CADPS2: variants seen among roughly 807,000 people sequenced by gnomAD.
CADPS2 encodes calcium dependent secretion activator 2, also known as calcium-dependent secretion activator 2.
Under a neutral mutation model 172.5 loss-of-function variants are expected in CADPS2, and 93 were observed. The ratio of observed to expected loss-of-function variants is 0.54; its 90% confidence interval spans 0.46 to 0.64. The LOEUF (loss-of-function observed/expected upper bound fraction) is 0.64, where lower values mean the gene tolerates loss of function less well. Among genes scored for constraint, CADPS2 ranks in the 30% least tolerant of loss-of-function variants. The pLI is 0.00. For missense variants in CADPS2, 1,420 were observed against 1,565.9 expected (o/e 0.91, Z 1.57); for synonymous variants, 546 against 555.2 (o/e 0.98, Z 0.23).
At chr7:122,778,870 A>T (rs2093961922) in intron 1 of CADPS2, among the ~76,000 whole-genome samples, 1 of 152,208 alleles carries the variant, frequency 6.6e-6, no homozygotes, top group Non-Finnish European at 1.5e-5. Flanking sequence ...GGGTGGAATG[A>T]TACAGTTTGG....
Position 122,581,187 on chromosome 7 carries a change from G to A in CADPS2, c.1327C>T (p.Leu443=), listed in dbSNP as rs749354437. 3.7e-6 allele frequency: 6 copies of A among 1,612,654 alleles called. No homozygotes were observed. The East Asian group carries it at 8.9e-5, about 24-fold the overall frequency. The change falls in exon 7 of 30, where the codon CTG becomes TTG. Residue 443 remains leucine (L), a synonymous_variant. Transcript: ENST00000449022. ...GGCTGACCACAACTCACCCTTCCCA[G>A]TTCTTTATCTTCCAGGGCCAGAACT... The part of the protein sequence containing the change: ...TGVLALEDKE[L]GRVILYPTSN...
intron 20 of CADPS2, among the ~76,000 whole-genome samples, chr7:122,404,985 G>A (rs2046461135): frequency 6.6e-6 from 1 of 151,996 alleles, no homozygotes; most frequent in Non-Finnish European, 1.5e-5. Context: ...AAATTAGCCA[G>A]GTGTGTGGTG....
At chr7:122,745,203 T>C (rs892048027) in intron 1 of CADPS2, among the ~76,000 whole-genome samples, 29 of 151,934 alleles carry the variant, frequency 1.9e-4, no homozygotes, top group Non-Finnish European at 8.8e-5. Context: ...AAATATATTA[T>C]TATTAATTAT....
chr7:122,407,107 A>G (rs2046745595), intron 20 of CADPS2, among the ~76,000 whole-genome samples: 1 of 152,242 alleles, frequency 6.6e-6, no homozygotes, highest in African/African-American at 2.4e-5. Context: ...CAAATGAACC[A>G]ACTCTCAGGC....
intron 1 of CADPS2, among the ~76,000 whole-genome samples, chr7:122,863,088 A>G (rs1177240313): frequency 6.6e-6 from 1 of 152,214 alleles, no homozygotes; most frequent in Non-Finnish European, 1.5e-5. Context: ...GAAGGCTGAT[A>G]CAAGCATCCT....
chr7:122,819,605 C>T (rs547527718), intron 1 of CADPS2, among the ~76,000 whole-genome samples: 10 of 146,844 alleles, frequency 6.8e-5, no homozygotes, highest in African/African-American at 2.5e-4. Context: ...TAAAACTCCC[C>T]AACTCTGGTG....
At chr7:122,677,160 A>G (rs1208588705) in intron 2 of CADPS2, among the ~76,000 whole-genome samples, 3 of 152,322 alleles carry the variant, frequency 2.0e-5, no homozygotes, top group African/African-American at 7.2e-5. Context: ...CAGTGGGGCA[A>G]ACAAATGGTT....
At chr7:122,692,196 T>C (rs376116430) in intron 2 of CADPS2, among the ~76,000 whole-genome samples, 69 of 152,246 alleles carry the variant, frequency 4.5e-4, no homozygotes, top group African/African-American at 1.6e-3. Flanking sequence ...TGTACATGAC[T>C]GCCGACATTA....
chr7:122,745,893 T>G (rs775866922), intron 1 of CADPS2, among the ~76,000 whole-genome samples: 2 of 152,056 alleles, frequency 1.3e-5, no homozygotes, highest in African/African-American at 2.4e-5. Context: ...TTTTATTAAT[T>G]AGTAAGTTTA....
intron 25 of CADPS2, among the ~76,000 whole-genome samples, chr7:122,376,967 A>G (rs575803136): frequency 1.1e-4 from 17 of 152,234 alleles, no homozygotes; most frequent in African/African-American, 3.8e-4. Flanking sequence ...AATTATTGTC[A>G]TCTCTTATAG....
intron 29 of CADPS2, among the ~76,000 whole-genome samples, chr7:122,323,670 T>G (rs946661043): frequency 5.9e-5 from 9 of 151,754 alleles, no homozygotes; most frequent in Middle Eastern, 3.2e-3. Flanking sequence ...GAGATTGTTA[T>G]TCTCAAAACA....
chr7:122,776,248 G>A (rs1322366870), intron 1 of CADPS2, among the ~76,000 whole-genome samples: 1 of 152,068 alleles, frequency 6.6e-6, no homozygotes, highest in East Asian at 1.9e-4. Flanking sequence ...AGATCTGATG[G>A]CTTTATAAAG....
chr7:122,679,324 T>C (rs903345138), intron 2 of CADPS2, among the ~76,000 whole-genome samples: 1 of 133,668 alleles, frequency 7.5e-6, no homozygotes, highest in African/African-American at 2.8e-5. Flanking sequence ...CACATGTAGA[T>C]AGGAATGAAA....
chr7:122,643,267 G>A (rs1015409197), intron 3 of CADPS2, among the ~76,000 whole-genome samples: 1 of 152,106 alleles, frequency 6.6e-6, no homozygotes, highest in African/African-American at 2.4e-5. Context: ...GCAAATTAAT[G>A]TACCTTATCA....
At chr7:122,673,750 G>C (rs556452995) in intron 2 of CADPS2, among the ~76,000 whole-genome samples, 3 of 152,222 alleles carry the variant, frequency 2.0e-5, no homozygotes, top group African/African-American at 7.2e-5. Flanking sequence ...AACTGGCTTC[G>C]CCTAGTGGAT....
intron 2 of CADPS2, among the ~76,000 whole-genome samples, chr7:122,729,329 G>A (rs1240376991): frequency 2.0e-5 from 3 of 151,774 alleles, no homozygotes; most frequent in Non-Finnish European, 4.4e-5. Flanking sequence ...CAATAAACAT[G>A]AGGATGCAGG....
At chr7:122,418,815 T>C (rs1331732989) in intron 17 of CADPS2, among the ~76,000 whole-genome samples, 2 of 152,182 alleles carry the variant, frequency 1.3e-5, no homozygotes, top group African/African-American at 2.4e-5. Context: ...GACCATCCCA[T>C]ATATTTTAGC....
Position 122,320,099 on chromosome 7 carries a change from C to T in CADPS2, c.*66G>A. 7.4e-7 allele frequency: 1 copy of T among 1,352,778 alleles called. No homozygotes were observed. The highest frequency in any genetic ancestry group is 9.7e-7 in the Non-Finnish European group (1 of 1,033,058). 83.8% of individuals were successfully genotyped at this position (1,352,778 alleles called of 1,614,324 possible). A position where few individuals can be genotyped will look rare whatever the true frequency, so the allele number is the denominator to read the frequency against. ...CAAACAATGAATGTAATTACAAGGA[C>T]AAGGTTAAAAAAATAAAAAACAATG... On this transcript the variant is annotated 3_prime_UTR_variant, in exon 30 of 30. Transcript: ENST00000449022.
rs750521551 is a variant in CADPS2 at position 122,548,977 on chromosome 7, G to T, written c.1475+5573C>A. On this transcript the variant is annotated intron_variant, in intron 8 of 29. Transcript: ENST00000449022. ...AATTAAAGTCTAACAATTAAGCAAA[G>T]GACCTAATAGGGATATAACTGTTAT... 2.0e-5 allele frequency among the ~76,000 whole-genome samples: 3 copies of T among 152,108 alleles called. No individual in the cohort carries two copies. The East Asian group carries it at 5.8e-4, about 29-fold the overall frequency.
Sources: gnomAD v4.1 joint callset for allele counts (sites outside exome capture counted in the v4.1 genomes callset) on GRCh38, gnomAD v4.1.1 for gene constraint, MANE v1.5 for transcripts, NCBI Gene and HGNC (gene_info 2026-07-23, HGNC 2026-07-21) for gene names.